The following SEMA6D variants were observed in gnomAD, a reference collection of about 807,000 sequenced individuals.
SEMA6D encodes semaphorin-6D.
A neutral mutation model predicts 106.6 loss-of-function variants in SEMA6D; 35 were observed. The observed-to-expected ratio is 0.33, with a 90% CI of 0.25 to 0.44. The LOEUF is 0.44. Among genes scored for constraint, SEMA6D ranks in the 20% least tolerant of loss-of-function variants. SEMA6D has a pLI of 1.00. For missense variants in SEMA6D, 1,185 were observed against 1,345.9 expected, an observed-to-expected ratio of 0.88 and a Z score of 1.87; for synonymous variants, 499 against 487.7, an observed-to-expected ratio of 1.02 and a Z score of -0.31.
At chr15:47,661,405 T>A (rs1381983160) in intron 4 of SEMA6D, among the ~76,000 whole-genome samples, 1 of 152,254 alleles carries the variant, frequency 6.6e-6, no homozygotes, top group Non-Finnish European at 1.5e-5. Context: ...AATTAAGATT[T>A]CTAAAATACA....
intron 3 of SEMA6D, among the ~76,000 whole-genome samples, chr15:47,504,574 C>T (rs1019148073): frequency 1.3e-5 from 2 of 152,168 alleles, no homozygotes; most frequent in Admixed American, 6.5e-5. Flanking sequence ...GAATTACAGT[C>T]GTCAGACAGA....
At chr15:47,688,556 T>A (rs1239164320) in intron 4 of SEMA6D, among the ~76,000 whole-genome samples, 1 of 152,192 alleles carries the variant, frequency 6.6e-6, no homozygotes, top group African/African-American at 2.4e-5. Flanking sequence ...TTATAGAGTA[T>A]GAAAAGATCA....
At chr15:47,533,382 C>G (rs751177537) in intron 3 of SEMA6D, among the ~76,000 whole-genome samples, 1 of 152,078 alleles carries the variant, frequency 6.6e-6, no homozygotes, top group Non-Finnish European at 1.5e-5. Context: ...ATGAATTTAG[C>G]ACAGCATTTA....
intron 1 of SEMA6D, among the ~76,000 whole-genome samples, chr15:47,370,318 C>G (rs1310270481): frequency 6.6e-6 from 1 of 152,096 alleles, no homozygotes; most frequent in Non-Finnish European, 1.5e-5. Context: ...AGTTGAAAAC[C>G]AGCCTGGGCA....
chr15:47,770,279 G>A (rs540731746), intron 18 of SEMA6D, among the ~76,000 whole-genome samples: 48 of 152,288 alleles, frequency 3.2e-4, no homozygotes, highest in African/African-American at 1.2e-3. Context: ...ATCAGTGGGA[G>A]ATTAGAGTTA....
At chr15:47,461,996 C>T (rs1161532112) in intron 2 of SEMA6D, among the ~76,000 whole-genome samples, 2 of 151,960 alleles carry the variant, frequency 1.3e-5, no homozygotes, top group Non-Finnish European at 2.9e-5. Flanking sequence ...CTGAATATTT[C>T]ATAAAGTTAC....
At chr15:47,321,054 C>T (rs968605469) in intron 1 of SEMA6D, among the ~76,000 whole-genome samples, 7 of 152,112 alleles carry the variant, frequency 4.6e-5, no homozygotes, top group Admixed American at 6.5e-5. Context: ...TATTTTTTCC[C>T]TCTATGTAAG....
chr15:47,310,613 A>G (rs528530543), intron 1 of SEMA6D, among the ~76,000 whole-genome samples: 3 of 152,158 alleles, frequency 2.0e-5, no homozygotes, highest in Admixed American at 6.5e-5. Flanking sequence ...AGTACCTTTT[A>G]TATAGTGATA....
intron 3 of SEMA6D, among the ~76,000 whole-genome samples, chr15:47,589,506 A>G (rs557922569): frequency 6.0e-4 from 91 of 152,368 alleles, no homozygotes; most frequent in African/African-American, 2.1e-3. Context: ...CTGCTGAGCC[A>G]TGGGCTCCTT....
intron 1 of SEMA6D, among the ~76,000 whole-genome samples, chr15:47,389,966 C>T (rs1331093646): frequency 1.3e-5 from 2 of 152,204 alleles, no homozygotes; most frequent in African/African-American, 4.8e-5. Context: ...TCTATCACTC[C>T]CTACTTAAAA....
intron 4 of SEMA6D, among the ~76,000 whole-genome samples, chr15:47,607,821 G>A (rs2076813636): frequency 6.6e-6 from 1 of 152,250 alleles, no homozygotes; most frequent in Admixed American, 6.5e-5. Context: ...TAAAGAGAGA[G>A]AAGCTGGTGG....
chr15:47,739,981 C>G (rs2080704156), intron 1 of SEMA6D, among the ~76,000 whole-genome samples: 1 of 152,180 alleles, frequency 6.6e-6, no homozygotes, highest in South Asian at 2.1e-4. Context: ...CAATTATTTT[C>G]TACTTTTAAT....
At chr15:47,481,328 A>G (rs368061815) in intron 3 of SEMA6D, among the ~76,000 whole-genome samples, 13 of 152,308 alleles carry the variant, frequency 8.5e-5, no homozygotes, top group African/African-American at 2.9e-4. Context: ...GCCCCCATTT[A>G]TAGCTGCAGA....
At chr15:47,418,586 C>T (rs766803428) in intron 2 of SEMA6D, among the ~76,000 whole-genome samples, 5 of 151,968 alleles carry the variant, frequency 3.3e-5, no homozygotes, top group Admixed American at 6.6e-5. Flanking sequence ...ACCTAATTAC[C>T]TCCCAAACAC....
chr15:47,653,099 C>T (rs943619046), intron 4 of SEMA6D, among the ~76,000 whole-genome samples: 1 of 152,162 alleles, frequency 6.6e-6, no homozygotes. Context: ...AAAAATAGTT[C>T]TGTCTTCTTA....
At chr15:47,728,735 C>T (rs2146587815) in intron 1 of SEMA6D, among the ~76,000 whole-genome samples, 1 of 152,292 alleles carries the variant, frequency 6.6e-6, no homozygotes, top group East Asian at 1.9e-4. Flanking sequence ...TTGCCTTTTC[C>T]AGCTTCTCAG....
At chr15:47,321,817 G>A (rs2036936132) in intron 1 of SEMA6D, among the ~76,000 whole-genome samples, 1 of 151,932 alleles carries the variant, frequency 6.6e-6, no homozygotes, top group South Asian at 2.1e-4. Context: ...TGTTCTATTG[G>A]GCTATTTTTT....
intron 1 of SEMA6D, among the ~76,000 whole-genome samples, chr15:47,345,945 T>G (rs979187339): frequency 1.3e-5 from 2 of 152,174 alleles, no homozygotes; most frequent in Non-Finnish European, 1.5e-5. Flanking sequence ...TTTATTAGGC[T>G]ATACCTTTTA....
intron 1 of SEMA6D, among the ~76,000 whole-genome samples, chr15:47,230,627 T>G (rs2032123733): frequency 6.6e-6 from 1 of 152,058 alleles, no homozygotes; most frequent in Admixed American, 6.6e-5. Flanking sequence ...TATACTCTGC[T>G]TTCTAAGTCA....
Sources: allele counts gnomAD v4.1 joint callset (sites outside exome capture counted in the v4.1 genomes callset), GRCh38; gene constraint gnomAD v4.1.1; transcripts MANE v1.5; gene names NCBI Gene and HGNC (gene_info 2026-07-23, HGNC 2026-07-21).